Variants in RAB31 observed in about 807,000 individuals in gnomAD.
RAB31 encodes the protein RAB31, member RAS oncogene family.
In RAB31, 21 loss-of-function variants were observed where a neutral mutation model predicts 25.6. The observed-to-expected ratio is 0.82, with a 90% CI of 0.58 to 1.18. The LOEUF (loss-of-function observed/expected upper bound fraction) is 1.18, where lower values mean the gene tolerates loss of function less well. Ranked by LOEUF, RAB31 falls within the 50% of genes most tolerant of loss-of-function variation. RAB31 has a pLI of 0.00. For missense variants in RAB31, 196 were observed against 250.1 expected (o/e 0.78, Z 1.46); for synonymous variants, 87 against 84.0 (o/e 1.04, Z -0.20).
intron 2 of RAB31, among the ~76,000 whole-genome samples, chr18:9,781,627 G>A (rs770992618): frequency 1.3e-5 from 2 of 152,098 alleles, no homozygotes; most frequent in Non-Finnish European, 2.9e-5. Context: ...TTTCTACCTC[G>A]TCCCTTGCTT....
chr18:9,811,384 G>A (rs1180172988), intron 3 of RAB31, among the ~76,000 whole-genome samples: 1 of 152,126 alleles, frequency 6.6e-6, no homozygotes, highest in Non-Finnish European at 1.5e-5. Flanking sequence ...GCAGTAACAG[G>A]GAAACCTGGG....
intron 5 of RAB31, among the ~76,000 whole-genome samples, chr18:9,839,908 C>T (rs79491822): frequency 6.6e-6 from 1 of 152,180 alleles, no homozygotes; most frequent in East Asian, 1.9e-4. Flanking sequence ...CGCAGCCGTT[C>T]CTGCGGTCTC....
intron 1 of RAB31, among the ~76,000 whole-genome samples, chr18:9,761,245 A>G (rs1223429032): frequency 6.6e-6 from 1 of 152,200 alleles, no homozygotes; most frequent in African/African-American, 2.4e-5. Flanking sequence ...CAGTACTCGC[A>G]GAGCAGAACC....
intron 2 of RAB31, chr18:9,787,033 C>A: frequency 5.3e-6 from 1 of 189,070 alleles, no homozygotes. Flanking sequence ...TATTAAAAAT[C>A]AGCTTGGATT....
intron 6 of RAB31, among the ~76,000 whole-genome samples, chr18:9,848,700 C>T (rs1163952570): frequency 6.6e-6 from 1 of 152,152 alleles, no homozygotes; most frequent in Non-Finnish European, 1.5e-5. Context: ...CCACAGTCGA[C>T]TATGCCTGGA....
At chr18:9,795,678 A>G (rs1168213745) in intron 3 of RAB31, among the ~76,000 whole-genome samples, 1 of 152,248 alleles carries the variant, frequency 6.6e-6, no homozygotes, top group Non-Finnish European at 1.5e-5. Context: ...CAAAACCACA[A>G]TATGATACGG....
chr18:9,842,589 C>G lies in RAB31; in HGVS notation c.381-2993C>G, dbSNP rs377762892. ...CACATTGGAGGGACTTTCACTGGCC[C>G]TCCAGATTCTTCCTGTAAGCACCTG... On this transcript the variant is annotated intron_variant, in intron 5 of 6. Transcript: ENST00000578921. Among the ~76,000 whole-genome samples the G allele has an allele frequency of 5.9e-5, 9 of 152,316 alleles. No individual in the cohort carries two copies. The East Asian group carries it at 1.2e-3, about 20-fold the overall frequency.
intron 5 of RAB31, among the ~76,000 whole-genome samples, chr18:9,828,031 T>C (rs553195195): frequency 2.3e-3 from 350 of 152,220 alleles, no homozygotes; most frequent in Non-Finnish European, 3.3e-3. Context: ...ACGACATGCG[T>C]CCCAGGTGAG....
chr18:9,725,648 TA>T (rs1291607069), intron 1 of RAB31, among the ~76,000 whole-genome samples: 1 of 152,222 alleles, frequency 6.6e-6, no homozygotes. Context: ...ATGGACTTTT[TA>T]AAAATAAGGG....
chr18:9,803,817 G>A lies in RAB31; in HGVS notation c.202-10203G>A, dbSNP rs540620331. On this transcript the variant is annotated intron_variant, in intron 3 of 6. Transcript: ENST00000578921. The stretch of plus-strand genomic sequence containing the variant: ...CCCTGACGGCAGCTGTGCAGGTGGA[G>A]CAGGGACTGCCTCGGTCCACAGACG... 8.5e-5 allele frequency among the ~76,000 whole-genome samples: 13 copies of A among 152,358 alleles called. No individual in the cohort carries two copies. The East Asian group carries it at 2.3e-3, about 27-fold the overall frequency.
intron 3 of RAB31, among the ~76,000 whole-genome samples, chr18:9,810,214 C>T (rs1457910432): frequency 6.6e-6 from 1 of 152,202 alleles, no homozygotes; most frequent in East Asian, 1.9e-4. Flanking sequence ...ATCTGTTGTG[C>T]TAATTTTCAA....
intron 2 of RAB31, among the ~76,000 whole-genome samples, chr18:9,777,179 A>G (rs953072588): frequency 2.6e-5 from 4 of 151,956 alleles, no homozygotes; most frequent in Admixed American, 6.6e-5. Flanking sequence ...CCTCTCTACT[A>G]AAAATACAAA....
At chr18:9,761,336 A>G (rs1369599915) in intron 1 of RAB31, among the ~76,000 whole-genome samples, 1 of 152,194 alleles carries the variant, frequency 6.6e-6, no homozygotes, top group Non-Finnish European at 1.5e-5. Flanking sequence ...GATTTGCAAA[A>G]TGAGGATAAC....
In RAB31 at chr18:9,859,394, TAC is replaced by T. The variant is rs1412710639; in HGVS notation, c.*70_*71del. On this transcript the variant is annotated 3_prime_UTR_variant, in exon 7 of 7. Transcript: ENST00000578921. Reference sequence around the variant, plus strand: ...CATCCTGTGCACTGCTGAAGGACCCTACGCTCGGTGGCCTGGCACCTCACTTT... The same window carrying T: ...CATCCTGTGCACTGCTGAAGGACCCTGCTCGGTGGCCTGGCACCTCACTTT... 113 of 1,368,374 alleles carry T rather than the reference TAC, an allele frequency of 8.3e-5. No homozygotes were observed. Among genetic ancestry groups the T allele is most frequent in the Non-Finnish European group, 1.1e-4 (111 of 975,930 alleles). The allele number at this position is 1,368,374 out of a possible 1,614,324, so 84.8% of individuals were successfully genotyped here.
intron 1 of RAB31, among the ~76,000 whole-genome samples, chr18:9,763,668 A>G (rs2068300305): frequency 6.6e-6 from 1 of 151,502 alleles, no homozygotes; most frequent in Non-Finnish European, 1.5e-5. Flanking sequence ...CCAGTAGGAT[A>G]GAAGAGACTT....
rs150163472 is a variant in RAB31, at chr18:9,812,467, A to G, written c.202-1553A>G. Among the ~76,000 whole-genome samples the G allele has an allele frequency of 9.7e-3, 1,476 of 152,238 alleles. 20 individuals carry two copies. The highest frequency in any genetic ancestry group is 0.032 in the African/African-American group (1,340 of 41,496). On this transcript the variant is annotated intron_variant, in intron 3 of 6. Transcript: ENST00000578921. The stretch of plus-strand genomic sequence containing the variant: ...GTAGAGTATGTGTGCCTCCCTTCCC[A>G]AACCCACACCAACACTGAACAGCAC...
chr18:9,756,840 T>C (rs1213653320), intron 1 of RAB31, among the ~76,000 whole-genome samples: 1 of 152,236 alleles, frequency 6.6e-6, no homozygotes, highest in Non-Finnish European at 1.5e-5. Flanking sequence ...ATTCCACCAC[T>C]GTGTGGTCTC....
chr18:9,766,215 C>G lies in RAB31; in HGVS notation c.40-9063C>G, dbSNP rs34193578. 6.6e-6 allele frequency among the ~76,000 whole-genome samples: 1 copy of G among 152,116 alleles called. No homozygotes were observed. The highest frequency in any genetic ancestry group is 6.5e-5 in the Admixed American group (1 of 15,282). On this transcript the variant is annotated intron_variant, in intron 1 of 6. Coordinates refer to ENST00000578921, the MANE Select transcript of RAB31 (RefSeq NM_006868.4). The surrounding 1 kb of genome is among the most constrained non-coding windows in gnomAD (Gnocchi z 4.3). ...GGCCTGGATTGCTAAGGCCAGGGCC[C>G]GGGAGCTGGGCTCTCACTCTTTCCA...
intron 1 of RAB31, among the ~76,000 whole-genome samples, chr18:9,729,000 T>C (rs992974725): frequency 1.3e-5 from 2 of 152,242 alleles, no homozygotes; most frequent in African/African-American, 4.8e-5. Flanking sequence ...TTTACCCATT[T>C]TCAACTGGGT....
Sources: gnomAD v4.1 joint callset for allele counts (sites outside exome capture counted in the v4.1 genomes callset) on GRCh38, gnomAD v4.1.1 for gene constraint, Gnocchi (gnomAD v3.1) non-coding constraint, MANE v1.5 for transcripts, NCBI Gene and HGNC (gene_info 2026-07-23, HGNC 2026-07-21) for gene names.